Variants in PNKD observed in about 807,000 individuals in gnomAD.
The protein encoded by PNKD is PNKD metallo-beta-lactamase domain containing.
Under a neutral mutation model 45.3 loss-of-function variants are expected in PNKD, and 36 were observed. The observed-to-expected ratio is 0.80, with a 90% confidence interval of 0.61 to 1.05. The LOEUF (loss-of-function observed/expected upper bound fraction) is 1.05. PNKD is among the 50% of genes least tolerant of loss of function. The pLI is 0.00. For synonymous variants in PNKD, 197 were observed against 210.1 expected (o/e 0.94, Z 0.54); for missense variants, 511 against 506.6 (o/e 1.01, Z -0.08).
intron 2 of PNKD, chr2:218,279,388 G>A (rs150890717): frequency 1.4e-5 from 21 of 1,522,360 alleles, no homozygotes; most frequent in Middle Eastern, 1.8e-4. Context: ...GTCACCATCC[G>A]GCACCCCTGG....
rs1372255191 is a variant in PNKD at position 218,277,514 on chromosome 2, TCAC to T, written c.236+5969_236+5971del. On this transcript the variant is annotated intron_variant, in intron 2 of 9. Coordinates refer to ENST00000273077, the MANE Select transcript of PNKD (RefSeq NM_015488.5). ...AAGCCACGTATGAATGACTTCAAAA[TCAC>T]CACTTCCAGAGGGGACCTGCCCAGA... is the stretch of plus-strand genomic sequence containing the variant. 58 of 1,608,560 alleles carry T rather than the reference TCAC, an allele frequency of 3.6e-5. No homozygotes were observed. The East Asian group carries it at 1.3e-3, about 35-fold the overall frequency.
At chr2:218,300,153 C>A (rs1283113064) in intron 2 of PNKD, among the ~76,000 whole-genome samples, 1 of 152,162 alleles carries the variant, frequency 6.6e-6, no homozygotes. Context: ...CTCAACTCTA[C>A]CTTATGGTTC....
chr2:218,277,428 T>C, intron 2 of PNKD: 1 of 1,614,156 alleles, frequency 6.2e-7, no homozygotes, highest in Non-Finnish European at 8.5e-7. Context: ...ATCATTGCAA[T>C]GATGACGGCT....
At position 218,270,524 on chromosome 2, in the gene PNKD, T is replaced by A; in HGVS notation, c.-12T>A. On this transcript the variant is annotated 5_prime_UTR_variant, in exon 1 of 10. Coordinates refer to ENST00000273077, the MANE Select transcript of PNKD (RefSeq NM_015488.5). Reference sequence around the variant, plus strand: ...GGCGGGGAGCGCGGTGAAGCGGGGGTGGGATCTGAACATGGCGGCGGTGGT... The same window carrying A: ...GGCGGGGAGCGCGGTGAAGCGGGGGAGGGATCTGAACATGGCGGCGGTGGT... 2.5e-6 allele frequency: 3 copies of A among 1,214,298 alleles called. No individual in the cohort carries two copies. The highest frequency in any genetic ancestry group is 2.2e-6 in the Non-Finnish European group (2 of 928,060). The allele number at this position is 1,214,298 out of a possible 1,614,324, so 75.2% of individuals were successfully genotyped here.
intron 2 of PNKD, chr2:218,289,929 T>A (rs976823520): frequency 7.9e-5 from 12 of 152,130 alleles, no homozygotes; most frequent in Admixed American, 1.3e-4. Context: ...TATAACACTC[T>A]AGGAAAGAAA....
chr2:218,321,931 A>AGT (rs1209505652), intron 2 of PNKD, among the ~76,000 whole-genome samples: 38 of 55,492 alleles, frequency 6.8e-4, no homozygotes, highest in Non-Finnish European at 8.7e-4. Flanking sequence ...GCCGAGCTTG[A>AGT]CTCTTTTTTT....
chr2:218,294,993 A>C (rs905414887), intron 2 of PNKD, among the ~76,000 whole-genome samples: 1 of 152,332 alleles, frequency 6.6e-6, no homozygotes, highest in Admixed American at 6.5e-5. Flanking sequence ...TTAATATCCA[A>C]GGAGATTCCA....
In PNKD at chr2:218,281,428, C is replaced by T. The variant is rs147841157; in HGVS notation, c.236+9879C>T. Reference sequence around the variant, plus strand: ...CTGGGATTACAGGCGTGAGCCACCGCGGCCGGCCTCACCTCATTTCTGACC... The same window carrying T: ...CTGGGATTACAGGCGTGAGCCACCGTGGCCGGCCTCACCTCATTTCTGACC... On this transcript the variant is annotated intron_variant, in intron 2 of 9. Transcript: ENST00000273077. Among the ~76,000 whole-genome samples the T allele has an allele frequency of 4.3e-4, 66 of 152,298 alleles. 2 individuals carry two copies. In the South Asian group the frequency reaches 7.2e-3, roughly 17 times the overall value.
rs544454080 is a variant in PNKD, at chr2:218,292,158, A to G, written c.236+20609A>G. Among the ~76,000 whole-genome samples, 3 of 152,226 alleles carry G rather than the reference A, an allele frequency of 2.0e-5. No homozygotes were observed. In the South Asian group the frequency reaches 6.2e-4, roughly 32 times the overall value. On this transcript the variant is annotated intron_variant, in intron 2 of 9. Transcript: ENST00000273077. ...GCGACAGAGAGGCCACTCGTGCCCG[A>G]AAGAGGGAACACGAGGACACCCCCA... is the stretch of plus-strand genomic sequence containing the variant.
intron 2 of PNKD, among the ~76,000 whole-genome samples, chr2:218,315,742 A>C (rs1220328945): frequency 6.6e-6 from 1 of 152,160 alleles, no homozygotes; most frequent in African/African-American, 2.4e-5. Context: ...ATTTTGGTGG[A>C]TTCTGTGAGG....
At chr2:218,294,078 C>T (rs1157557205) in intron 2 of PNKD, among the ~76,000 whole-genome samples, 1 of 152,120 alleles carries the variant, frequency 6.6e-6, no homozygotes, top group African/African-American at 2.4e-5. Flanking sequence ...GACACCCCAA[C>T]CCTTCAGTGT....
intron 2 of PNKD, among the ~76,000 whole-genome samples, chr2:218,309,423 A>T (rs1693532339): frequency 6.7e-6 from 1 of 149,340 alleles, no homozygotes; most frequent in Admixed American, 6.7e-5. Flanking sequence ...CCTCAAAAAA[A>T]AAAAAAAAAA....
chr2:218,345,225 G>A lies in PNKD; in HGVS notation c.*244G>A, dbSNP rs1296371296. 3 of 550,620 alleles carry A rather than the reference G, an allele frequency of 5.4e-6. No individual in the cohort carries two copies. The highest frequency in any genetic ancestry group is 3.2e-6 in the Non-Finnish European group (1 of 308,436). 34.1% of individuals were successfully genotyped at this position (550,620 alleles called of 1,614,324 possible). A position where few individuals can be genotyped will look rare whatever the true frequency, so the allele number is the denominator to read the frequency against. Reference sequence around the variant, plus strand: ...TGCCTCATCAACGGCAAGAGGAAAGGAGGGGTCTCGGGACATCTCCAGACC... The same window carrying A: ...TGCCTCATCAACGGCAAGAGGAAAGAAGGGGTCTCGGGACATCTCCAGACC... On this transcript the variant is annotated 3_prime_UTR_variant, in exon 10 of 10. Transcript: ENST00000273077.
At chr2:218,317,104 G>A (rs1693836816) in intron 2 of PNKD, among the ~76,000 whole-genome samples, 1 of 152,202 alleles carries the variant, frequency 6.6e-6, no homozygotes, top group African/African-American at 2.4e-5. Flanking sequence ...TTGGAATTTA[G>A]GTTCTCAGAG....
chr2:218,338,415 T>G (rs1694563636), intron 2 of PNKD, among the ~76,000 whole-genome samples: 1 of 148,116 alleles, frequency 6.8e-6, no homozygotes. Context: ...GAGCCGAGAT[T>G]GCACCACTGC....
intron 2 of PNKD, among the ~76,000 whole-genome samples, chr2:218,339,330 A>G (rs888591019): frequency 1.3e-5 from 2 of 151,784 alleles, no homozygotes; most frequent in African/African-American, 4.8e-5. Context: ...GCGATGCCCA[A>G]TTCTCCTGCC....
At chr2:218,309,354 G>A (rs1156667542) in intron 2 of PNKD, among the ~76,000 whole-genome samples, 1 of 145,522 alleles carries the variant, frequency 6.9e-6, no homozygotes, top group Non-Finnish European at 1.5e-5. Context: ...AGGAGCCAGA[G>A]GTTGCAGTGA....
At chr2:218,278,463 C>A (rs776266698) in intron 2 of PNKD, 5 of 1,571,870 alleles carry the variant, frequency 3.2e-6, no homozygotes, top group Non-Finnish European at 4.4e-6. Context: ...ATACTCGGCC[C>A]CCATCCCAAT....
At chr2:218,270,975 G>A in intron 1 of PNKD, 2 of 319,164 alleles carry the variant, frequency 6.3e-6, no homozygotes, top group Non-Finnish European at 1.1e-5. Context: ...CAGGGCTTCA[G>A]TTTCCTCTTC....
Sources: gnomAD v4.1 joint callset for allele counts (sites outside exome capture counted in the v4.1 genomes callset) on GRCh38, gnomAD v4.1.1 for gene constraint, MANE v1.5 for transcripts, NCBI Gene and HGNC (gene_info 2026-07-23, HGNC 2026-07-21) for gene names.